GAGE1: variants seen among roughly 807,000 people sequenced by gnomAD.
The protein encoded by GAGE1 is G antigen 4.
GAGE1 carries 5 observed loss-of-function variants against 5.0 expected under a neutral mutation model. The observed-to-expected ratio is 1.00, with a 90% CI of 0.52 to 2.11. The LOEUF is 2.11. GAGE1 is among the 30% of genes most tolerant of loss of function. The pLI is 0.01. For missense variants in GAGE1, 9 were observed against 38.9 expected, an observed-to-expected ratio of 0.23 and a Z score of 2.04; for synonymous variants, 6 against 14.8, an observed-to-expected ratio of 0.40 and a Z score of 1.37.
At chrX:49,604,854 G>C (rs1209351335) in intron 4 of GAGE1, 7 of 233,427 alleles carry the variant, frequency 3.0e-5, no homozygotes, top group Non-Finnish European at 4.0e-5. Context: ...GTCACCCAGG[G>C]TGGAGTGCAG....
intron 4 of GAGE1, among the ~76,000 whole-genome samples, chrX:49,604,370 C>G (rs1557131674): frequency 8.9e-6 from 1 of 112,187 alleles, no homozygotes; most frequent in Non-Finnish European, 1.9e-5. Flanking sequence ...TTGCAAAGGT[C>G]TGCTTTTAAT....
At chrX:49,605,928 A>T (rs1387728500) in intron 4 of GAGE1, 65 bp from the exon 5 acceptor site, 1 of 545,591 alleles carries the variant, frequency 1.8e-6, no homozygotes, top group Non-Finnish European at 2.5e-6. Flanking sequence ...AATAATAATA[A>T]TAATAATAAT....
In GAGE1 at chrX:49,605,844, C is replaced by T. The variant is rs374612212; in HGVS notation, c.332-149C>T. The T allele has an allele frequency of 4.0e-4, 113 of 282,386 alleles. 1 individual carries two copies. The East Asian group carries it at 6.9e-3, about 17-fold the overall frequency. 23.3% of individuals were successfully genotyped at this position (282,386 alleles called of 1,213,427 possible). A position where few individuals can be genotyped will look rare whatever the true frequency, so the allele number is the denominator to read the frequency against. On this transcript the variant is annotated intron_variant, in intron 4 of 4. Coordinates refer to ENST00000381700, the MANE Select transcript of GAGE1 (RefSeq NM_001040663.4). The stretch of plus-strand genomic sequence containing the variant: ...GAATCGCTTGAACCCAGAAGGCGGA[C>T]GTTGCAGTGAACCAGATTGCTCCAC...
chrX:49,604,986 TCA>T, intron 4 of GAGE1: 1 of 944,166 alleles, frequency 1.1e-6, no homozygotes, highest in Non-Finnish European at 1.4e-6. Context: ...ATTTTTTTTT[TCA>T]TTTTTGTAGA....
Position 49,605,948 on chromosome X carries a change from A to AATC in GAGE1, c.332-44_332-42dup, listed in dbSNP as rs781947867. ...TAATAATAATAATAATAATAATAAT[A>AATC]ATCTGTTGCTCTGTAATGTTCCCAA... On this transcript the variant is annotated intron_variant, in intron 4 of 4. Coordinates refer to ENST00000381700, the MANE Select transcript of GAGE1 (RefSeq NM_001040663.4). 28 of 808,179 alleles carry AATC rather than the reference A, an allele frequency of 3.5e-5. No individual in the cohort carries two copies. The East Asian group carries it at 7.5e-4, about 22-fold the overall frequency. 66.6% of individuals were successfully genotyped at this position (808,179 alleles called of 1,213,427 possible). A position where few individuals can be genotyped will look rare whatever the true frequency, so the allele number is the denominator to read the frequency against.
chrX:49,604,545 G>A (rs2066640001), intron 4 of GAGE1, among the ~76,000 whole-genome samples: 1 of 112,082 alleles, frequency 8.9e-6, no homozygotes, highest in Admixed American at 9.5e-5. Flanking sequence ...TTAAGTCAGA[G>A]ATTTTAAAAC....
At chrX:49,605,726 C>G (rs1192681676) in intron 4 of GAGE1, among the ~76,000 whole-genome samples, 2 of 110,404 alleles carry the variant, frequency 1.8e-5, no homozygotes, top group Non-Finnish European at 3.8e-5. Context: ...GTGGCTAACA[C>G]GGTGAAACCC....
rs2066669516 is a variant in GAGE1, at chrX:49,608,243, C to G, written c.*2228C>G. Reference sequence around the variant, plus strand: ...ACCCCGCATTTCCCCTGCTTTTTCTCTTGTTCTGACTGAAAAACAAAGTGC... The same window carrying G: ...ACCCCGCATTTCCCCTGCTTTTTCTGTTGTTCTGACTGAAAAACAAAGTGC... On this transcript the variant is annotated 3_prime_UTR_variant, in exon 5 of 5. Transcript: ENST00000381700. 9.0e-6 allele frequency: 1 copy of G among 111,709 alleles called. No individual in the cohort carries two copies. The highest frequency in any genetic ancestry group is 1.9e-5 in the Non-Finnish European group (1 of 53,225). 9.2% of individuals were successfully genotyped at this position (111,709 alleles called of 1,213,427 possible).
Position 49,605,230 on chromosome X carries a change from T to A in GAGE1, c.332-763T>A, listed in dbSNP as rs190444230. On this transcript the variant is annotated intron_variant, in intron 4 of 4. Coordinates refer to ENST00000381700, the MANE Select transcript of GAGE1 (RefSeq NM_001040663.4). ...ACTGTCAGTCTTGATGAGCCACTAT[T>A]TCTAATAAGACTGTAGACACACATA... is the stretch of plus-strand genomic sequence containing the variant. The A allele has an allele frequency of 4.0e-3, 2,808 of 708,385 alleles. 15 individuals are homozygous for A. The highest frequency in any genetic ancestry group is 4.6e-3 in the Non-Finnish European group (2,432 of 531,569). 58.4% of individuals were successfully genotyped at this position (708,385 alleles called of 1,213,427 possible).
chrX:49,604,540 T>C (rs1477366450), intron 4 of GAGE1, among the ~76,000 whole-genome samples: 1 of 112,182 alleles, frequency 8.9e-6, no homozygotes, highest in Non-Finnish European at 1.9e-5. Flanking sequence ...TGAGTTTAAG[T>C]CAGAGATTTT....
intron 4 of GAGE1, 60 bp from the exon 5 acceptor site, chrX:49,605,933 A>AATG: frequency 1.6e-6 from 1 of 612,572 alleles, no homozygotes; most frequent in Non-Finnish European, 2.2e-6. Context: ...TAATAATAAT[A>AATG]ATAATAATAA....
At chrX:49,605,176 A>G in intron 4 of GAGE1, 2 of 975,453 alleles carry the variant, frequency 2.1e-6, no homozygotes, top group Non-Finnish European at 2.7e-6. Flanking sequence ...TGTGAGTAAG[A>G]TGCCTGTGCT....
At chrX:49,605,350 C>G (rs781827115) in intron 4 of GAGE1, among the ~76,000 whole-genome samples, 1 of 112,428 alleles carries the variant, frequency 8.9e-6, no homozygotes, top group Non-Finnish European at 1.9e-5. Context: ...GACCATGACT[C>G]TAGTCCTTCC....
chrX:49,604,504 C>T (rs1218233906), intron 4 of GAGE1, among the ~76,000 whole-genome samples: 1 of 112,074 alleles, frequency 8.9e-6, no homozygotes, highest in Non-Finnish European at 1.9e-5. Flanking sequence ...CACTTCTAAA[C>T]CTATCTTTGG....
intron 4 of GAGE1, chrX:49,604,853 G>A: frequency 4.3e-6 from 1 of 232,044 alleles, no homozygotes. Context: ...TGTCACCCAG[G>A]GTGGAGTGCA....
chrX:49,605,076 G>T, intron 4 of GAGE1: 2 of 1,021,452 alleles, frequency 2.0e-6, no homozygotes, highest in African/African-American at 1.9e-5. Flanking sequence ...CTTTCCCCAC[G>T]GAAACCTTGA....
At chrX:49,604,241 G>A (rs1315725877) in intron 4 of GAGE1, among the ~76,000 whole-genome samples, 1 of 112,583 alleles carries the variant, frequency 8.9e-6, no homozygotes, top group African/African-American at 3.2e-5. Context: ...ATGTAGTTCA[G>A]GCCCCAGCAC....
rs1453361288 is a variant in GAGE1, at chrX:49,608,054, C to T, written c.*2039C>T. On this transcript the variant is annotated 3_prime_UTR_variant, in exon 5 of 5. Transcript: ENST00000381700. ...AAAGCTTTTGAAAGTGTTAAATGTA[C>T]ACGAACTGATGGTGTATATGATGAT... The T allele has an allele frequency of 8.9e-6, 1 of 111,802 alleles. No homozygotes were observed. Among genetic ancestry groups the T allele is most frequent in the Admixed American group, 9.6e-5 (1 of 10,469 alleles). The allele number at this position is 111,802 out of a possible 1,213,427, so 9.2% of individuals were successfully genotyped here. A position where few individuals can be genotyped will look rare whatever the true frequency, so the allele number is the denominator to read the frequency against.
chrX:49,605,986 G>T lies in GAGE1; in HGVS notation c.332-7G>T. On this transcript the variant is annotated splice_region_variant and splice_polypyrimidine_tract_variant and intron_variant, in intron 4 of 4. Transcript: ENST00000381700. ...GTAATGTTCCCAACTGTTTTGTTTT[G>T]TTTCAGGTGAAGGGCAATCACAGTG... is the stretch of plus-strand genomic sequence containing the variant. The T allele has an allele frequency of 9.4e-7, 1 of 1,064,074 alleles. No homozygotes were observed. Among genetic ancestry groups the T allele is most frequent in the Non-Finnish European group, 1.2e-6 (1 of 814,894 alleles). The allele number at this position is 1,064,074 out of a possible 1,213,427, so 87.7% of individuals were successfully genotyped here. A position where few individuals can be genotyped will look rare whatever the true frequency, so the allele number is the denominator to read the frequency against.
Sources: gnomAD v4.1 joint callset for allele counts (sites outside exome capture counted in the v4.1 genomes callset) on GRCh38, gnomAD v4.1.1 for gene constraint, MANE v1.5 for transcripts, NCBI Gene and HGNC (gene_info 2026-07-23, HGNC 2026-07-21) for gene names.